The following XPR1 variants were observed in gnomAD, a reference collection of about 807,000 sequenced individuals.
XPR1 encodes the protein xenotropic and polytropic retrovirus receptor 1, also known as solute carrier family 53 member 1.
A neutral mutation model predicts 87.5 loss-of-function variants in XPR1; 28 were observed. The observed-to-expected ratio is 0.32, with a 90% CI of 0.24 to 0.44. The LOEUF is 0.44. XPR1 is among the 20% of genes least tolerant of loss of function. XPR1 has a pLI of 1.00. For synonymous variants in XPR1, 300 were observed against 306.1 expected (o/e 0.98, Z 0.21); for missense variants, 559 against 862.3 (o/e 0.65, Z 4.41).
rs1650208814 is a variant in XPR1 at position 180,811,410 on chromosome 1, G to C, written c.685G>C (p.Ala229Pro). 1 of 1,612,744 alleles carries C rather than the reference G, an allele frequency of 6.2e-7. No individual in the cohort carries two copies. The highest frequency in any genetic ancestry group is 1.7e-5 in the Admixed American group (1 of 59,940). The change falls in exon 7 of 15, where the codon GCA becomes CCA. Residue 229 changes from alanine to proline, a missense_variant. Transcript: ENST00000367590. ...AATACTATTTTTCTGTCCACAGCCT[G>C]CACCAGCATGGACTACTTTTAGAGT... ...RVPPLGAAQP[A>P]PAWTTFRVGL... is the part of the protein sequence containing the mutation.
intron 2 of XPR1, among the ~76,000 whole-genome samples, chr1:180,742,389 G>T (rs1658951759): frequency 6.6e-6 from 1 of 151,970 alleles, no homozygotes; most frequent in Non-Finnish European, 1.5e-5. Context: ...TTGACTTATG[G>T]ATTATATAGA....
chr1:180,758,193 C>T (rs1362184227), intron 2 of XPR1, among the ~76,000 whole-genome samples: 3 of 150,758 alleles, frequency 2.0e-5, no homozygotes, highest in African/African-American at 7.3e-5. Flanking sequence ...TCCTTTACGG[C>T]AATATGGATG....
intron 9 of XPR1, among the ~76,000 whole-genome samples, chr1:180,826,042 C>A (rs1650822288): frequency 6.6e-6 from 1 of 151,774 alleles, no homozygotes. Context: ...AAGAGCAAAA[C>A]TCCATCTCAA....
chr1:180,880,425 A>G (rs1652814572), intron 14 of XPR1, 128 bp downstream of exon 14: 1 of 950,396 alleles, frequency 1.1e-6, no homozygotes, highest in Non-Finnish European at 1.6e-6. Flanking sequence ...TTCACCTACA[A>G]AAAAACAGTA....
intron 3 of XPR1, among the ~76,000 whole-genome samples, chr1:180,796,271 A>T (rs1649571008): frequency 6.6e-6 from 1 of 152,172 alleles, no homozygotes; most frequent in Non-Finnish European, 1.5e-5. Context: ...TGCAAAATAG[A>T]TTGGGATACT....
intron 1 of XPR1, among the ~76,000 whole-genome samples, chr1:180,645,460 C>T (rs1350706462): frequency 1.3e-5 from 2 of 152,224 alleles, no homozygotes; most frequent in East Asian, 3.8e-4. Context: ...TCACAGTTGT[C>T]CATCTCTCCC....
intron 2 of XPR1, among the ~76,000 whole-genome samples, chr1:180,779,152 C>A (rs979612435): frequency 3.3e-5 from 5 of 152,208 alleles, no homozygotes; most frequent in African/African-American, 1.2e-4. Flanking sequence ...AAAAAGAGAT[C>A]TTTTCTGATC....
chr1:180,740,925 G>C (rs1039182646), intron 2 of XPR1, among the ~76,000 whole-genome samples: 1 of 152,150 alleles, frequency 6.6e-6, no homozygotes, highest in African/African-American at 2.4e-5. Context: ...GAAGCTTCCT[G>C]TCTCTTTTAT....
chr1:180,736,345 A>G (rs1349720682), intron 2 of XPR1, among the ~76,000 whole-genome samples: 1 of 152,178 alleles, frequency 6.6e-6, no homozygotes, highest in East Asian at 1.9e-4. Context: ...GGCTCTTATG[A>G]GGACTAAAGG....
At chr1:180,716,884 G>T (rs943487899) in intron 2 of XPR1, among the ~76,000 whole-genome samples, 4 of 152,176 alleles carry the variant, frequency 2.6e-5, no homozygotes, top group Non-Finnish European at 5.9e-5. Flanking sequence ...TTCTTGCCTG[G>T]AAGTGAACCC....
intron 1 of XPR1, among the ~76,000 whole-genome samples, chr1:180,635,856 A>T (rs959050762): frequency 2.6e-5 from 4 of 152,092 alleles, no homozygotes; most frequent in Admixed American, 2.6e-4. Context: ...TTATTTAAGG[A>T]CTCATCCAGC....
At chr1:180,728,969 A>G (rs1658455990) in intron 2 of XPR1, among the ~76,000 whole-genome samples, 1 of 152,122 alleles carries the variant, frequency 6.6e-6, no homozygotes, top group Non-Finnish European at 1.5e-5. Flanking sequence ...ATATGATAGC[A>G]GTTTTTTGGT....
At chr1:180,651,637 A>G (rs1204903328) in intron 1 of XPR1, among the ~76,000 whole-genome samples, 2 of 152,124 alleles carry the variant, frequency 1.3e-5, no homozygotes, top group East Asian at 1.9e-4. Flanking sequence ...ACTATCTTCT[A>G]TTTTGAAATA....
Position 180,696,208 on chromosome 1 carries a change from G to GTATATATA in XPR1, c.121+13813_121+13820dup, listed in dbSNP as rs71121045. 3.2e-3 allele frequency among the ~76,000 whole-genome samples: 287 copies of GTATATATA among 88,522 alleles called. 2 individuals carry two copies. The highest frequency in any genetic ancestry group is 6.2e-3 in the African/African-American group (165 of 26,714). 58.1% of individuals were successfully genotyped at this position (88,522 alleles called of 152,430 possible). On this transcript the variant is annotated intron_variant, in intron 2 of 14. Coordinates refer to ENST00000367590, the MANE Select transcript of XPR1 (RefSeq NM_004736.4). ...TGTGTGTGTGTGTGTGTGTGTGTGT[G>GTATATATA]TATATATATATATATATATATATTA...
chr1:180,802,524 T>C (rs1649825682), intron 3 of XPR1, among the ~76,000 whole-genome samples: 1 of 152,220 alleles, frequency 6.6e-6, no homozygotes, highest in South Asian at 2.1e-4. Flanking sequence ...ATGGCGTTTT[T>C]AAATTGAGAT....
chr1:180,675,432 C>A (rs1489681667), intron 1 of XPR1, among the ~76,000 whole-genome samples: 4 of 152,218 alleles, frequency 2.6e-5, no homozygotes, highest in Non-Finnish European at 5.9e-5. Context: ...AGCTATCTGC[C>A]GAGGAACAAA....
chr1:180,707,000 A>G (rs1330465131), intron 2 of XPR1, among the ~76,000 whole-genome samples: 1 of 152,184 alleles, frequency 6.6e-6, no homozygotes, highest in Admixed American at 6.5e-5. Context: ...ATGTTTTTCT[A>G]GCTAATTTTT....
At chr1:180,632,817 T>G (rs1430396947) in intron 1 of XPR1, among the ~76,000 whole-genome samples, 2 of 152,262 alleles carry the variant, frequency 1.3e-5, no homozygotes, top group Non-Finnish European at 2.9e-5. Context: ...TGACAAAGGC[T>G]TTGTAACGGG....
At chr1:180,797,065 A>C (rs557988063) in intron 3 of XPR1, among the ~76,000 whole-genome samples, 1 of 152,184 alleles carries the variant, frequency 6.6e-6, no homozygotes. Context: ...GGTGACAGAA[A>C]TGTTCTAAAA....
Sources: gnomAD v4.1 joint callset for allele counts (sites outside exome capture counted in the v4.1 genomes callset) on GRCh38, gnomAD v4.1.1 for gene constraint, MANE v1.5 for transcripts, NCBI Gene and HGNC (gene_info 2026-07-23, HGNC 2026-07-21) for gene names.